The following MED19 variants were observed in gnomAD, a reference collection of about 807,000 sequenced individuals.
MED19 encodes mediator of RNA polymerase II transcription subunit 19.
Under a neutral mutation model 19.9 loss-of-function variants are expected in MED19, and 4 were observed. The ratio of observed to expected loss-of-function variants is 0.20; its 90% CI spans 0.10 to 0.46. The LOEUF is 0.46. Ranked by LOEUF, MED19 falls within the 20% of genes least tolerant of loss-of-function variation. The pLI, the probability that MED19 is intolerant of heterozygous loss-of-function variation, is 0.99. For missense variants in MED19, 303 were observed against 318.7 expected (o/e 0.95, Z 0.38); for synonymous variants, 139 against 119.6 (o/e 1.16, Z -1.06).
chr11:57,709,375 C>G (rs1946538593), intron 1 of MED19, among the ~76,000 whole-genome samples: 1 of 146,728 alleles, frequency 6.8e-6, no homozygotes, highest in Non-Finnish European at 1.5e-5. Context: ...GAGCAAAACT[C>G]TGTTTAAAAA....
At chr11:57,704,263 G>A in intron 4 of MED19, 39 bp downstream of exon 4, 4 of 1,530,190 alleles carry the variant, frequency 2.6e-6, no homozygotes, top group Non-Finnish European at 3.5e-6. Flanking sequence ...TGAGATCTGG[G>A]GAAACTCACT....
At chr11:57,709,255 C>A (rs1263416684) in intron 1 of MED19, among the ~76,000 whole-genome samples, 1 of 152,028 alleles carries the variant, frequency 6.6e-6, no homozygotes, top group Non-Finnish European at 1.5e-5. Flanking sequence ...GTGGCACATG[C>A]CTGTAATCCG....
exon 5 of MED19, chr11:57,704,034 C>A (rs1409208648): frequency 1.3e-6 from 2 of 1,535,960 alleles, no homozygotes; most frequent in African/African-American, 2.7e-5. Context: ...GTCCAGTGGT[C>A]CTATTAGCGT....
chr11:57,709,139 T>C (rs1946536255), intron 1 of MED19, among the ~76,000 whole-genome samples: 2 of 152,210 alleles, frequency 1.3e-5, no homozygotes, highest in African/African-American at 4.8e-5. Flanking sequence ...CCTGGCACTC[T>C]GGGAGGCCAA....
chr11:57,704,700 G>GTTTTAA lies in MED19; in HGVS notation c.571+18_571+19insTTAAAA. 1 of 602,556 alleles carries GTTTTAA rather than the reference G, an allele frequency of 1.7e-6. No individual in the cohort carries two copies. Among genetic ancestry groups the GTTTTAA allele is most frequent in the Non-Finnish European group, 2.3e-6 (1 of 431,454 alleles). 37.3% of individuals were successfully genotyped at this position (602,556 alleles called of 1,614,324 possible). A position where few individuals can be genotyped will look rare whatever the true frequency, so the allele number is the denominator to read the frequency against. ...TTTTTTTTTTTTTTTTTTTTGCTTT[G>GTTTTAA]AATAGAACTGCTTCTTACCTGGGGG... On this transcript the variant is annotated intron_variant, in intron 3 of 4. Coordinates refer to ENST00000431606, the Ensembl canonical transcript of MED19.
At chr11:57,711,831 C>T in intron 1 of MED19, 132 bp downstream of exon 1, 1 of 1,005,298 alleles carries the variant, frequency 9.9e-7, no homozygotes, top group Non-Finnish European at 1.3e-6. Flanking sequence ...ACAGCGCTTC[C>T]GACTTAGGGC....
At chr11:57,703,858 A>G (rs1390305895) in exon 5 of MED19, 3 of 932,216 alleles carry the variant, frequency 3.2e-6, no homozygotes, top group Non-Finnish European at 4.5e-6. Context: ...GGATGAGCCT[A>G]CAAAAGCATG....
exon 4 of MED19, chr11:57,704,379 C>T: frequency 6.5e-7 from 1 of 1,537,766 alleles, no homozygotes; most frequent in Non-Finnish European, 8.7e-7. Context: ...TTCTTGTGAT[C>T]TGAATCAGAT....
exon 1 of MED19, chr11:57,712,168 G>T (rs574590870): frequency 1.3e-6 from 2 of 1,528,118 alleles, no homozygotes; most frequent in Non-Finnish European, 8.8e-7. Context: ...ACAGTGCCGT[G>T]AAATTCTCCA....
chr11:57,707,344 A>G (rs1946520991), intron 1 of MED19, among the ~76,000 whole-genome samples: 1 of 152,228 alleles, frequency 6.6e-6, no homozygotes, highest in African/African-American at 2.4e-5. Context: ...CTACAACTTC[A>G]TTTGTAATTA....
intron 1 of MED19, among the ~76,000 whole-genome samples, chr11:57,706,133 G>A (rs576419821): frequency 1.3e-5 from 2 of 151,956 alleles, no homozygotes; most frequent in Non-Finnish European, 2.9e-5. Flanking sequence ...ATGATGCCTT[G>A]CCTAAAAGGA....
chr11:57,706,044 A>G (rs926667033), intron 1 of MED19, among the ~76,000 whole-genome samples: 4 of 152,106 alleles, frequency 2.6e-5, no homozygotes, highest in Admixed American at 6.5e-5. Context: ...TTACATAAGA[A>G]AAGAACTGGG....
At chr11:57,703,936 A>G (rs1590877567) in exon 5 of MED19, 1 of 1,467,428 alleles carries the variant, frequency 6.8e-7, no homozygotes, top group South Asian at 1.4e-5. Context: ...TCCCAGCTGC[A>G]GGATGCTCCC....
At chr11:57,706,194 G>A (rs1946506037) in intron 1 of MED19, among the ~76,000 whole-genome samples, 1 of 152,078 alleles carries the variant, frequency 6.6e-6, no homozygotes, top group South Asian at 2.1e-4. Flanking sequence ...CGCCTAGGCT[G>A]GAGTGCAGTG....
chr11:57,708,083 C>T (rs1309085023), intron 1 of MED19, among the ~76,000 whole-genome samples: 6 of 152,022 alleles, frequency 3.9e-5, no homozygotes, highest in Non-Finnish European at 8.8e-5. Flanking sequence ...ATCTGCCTGC[C>T]TCAGCCTCCC....
Position 57,704,972 on chromosome 11 carries a change from C to T in MED19, c.474+1G>A. On this transcript the variant is annotated splice_donor_variant, in intron 2 of 4. Coordinates refer to ENST00000431606, the Ensembl canonical transcript of MED19. LOFTEE classifies it high-confidence loss of function. ...TGCCTTCTTCCTCCAACAGGACTCA[C>T]CGGGCCAGTGTGGAGGCGGAAGCCG... The T allele has an allele frequency of 1.2e-6, 2 of 1,612,614 alleles. No homozygotes were observed. Among genetic ancestry groups the T allele is most frequent in the Non-Finnish European group, 1.7e-6 (2 of 1,179,354 alleles).
At chr11:57,703,833 T>C (rs936940714) in exon 5 of MED19, 2 of 645,866 alleles carry the variant, frequency 3.1e-6, no homozygotes, top group Non-Finnish European at 4.7e-6. Context: ...GAGATGTCCA[T>C]GAGAAAACCA....
chr11:57,710,538 T>C (rs1241633319), intron 1 of MED19, among the ~76,000 whole-genome samples: 2 of 152,242 alleles, frequency 1.3e-5, no homozygotes, highest in African/African-American at 4.8e-5. Context: ...CTAAGCTTTT[T>C]CTCACATCAG....
At chr11:57,704,247 C>G in intron 4 of MED19, 55 bp downstream of exon 4, 1 of 1,528,660 alleles carries the variant, frequency 6.5e-7, no homozygotes, top group Non-Finnish European at 8.7e-7. Context: ...GTATTTAGGA[C>G]AGGGGTGAGA....
Sources: gnomAD v4.1 joint callset for allele counts (sites outside exome capture counted in the v4.1 genomes callset) on GRCh38, gnomAD v4.1.1 for gene constraint, MANE v1.5 for transcripts, NCBI Gene and HGNC (gene_info 2026-07-23, HGNC 2026-07-21) for gene names.